Variants in NRXN3 observed in about 807,000 individuals in gnomAD.
The protein encoded by NRXN3 is neurexin III.
Under a neutral mutation model 137.6 loss-of-function variants are expected in NRXN3, and 32 were observed. The ratio of observed to expected loss-of-function variants is 0.23; its 90% CI spans 0.18 to 0.31. The LOEUF (loss-of-function observed/expected upper bound fraction) is 0.31. Among genes scored for constraint, NRXN3 ranks in the 10% least tolerant of loss-of-function variants. NRXN3 has a pLI of 1.00. For synonymous variants in NRXN3, 798 were observed against 784.5 expected, an observed-to-expected ratio of 1.02 and a Z score of -0.29; for missense variants, 1,574 against 2,062.5, an observed-to-expected ratio of 0.76 and a Z score of 4.59.
chr14:79,798,928 A>G (rs1161581538), intron 19 of NRXN3, among the ~76,000 whole-genome samples: 1 of 152,194 alleles, frequency 6.6e-6, no homozygotes, highest in African/African-American at 2.4e-5. Context: ...AGAAGCAATA[A>G]CTCACTGGAG....
chr14:78,780,840 T>C (rs1416745003), intron 8 of NRXN3, among the ~76,000 whole-genome samples: 1 of 152,220 alleles, frequency 6.6e-6, no homozygotes, highest in Non-Finnish European at 1.5e-5. Flanking sequence ...AGAGCTCTCA[T>C]ATCTTAAAGA....
At chr14:79,269,041 T>TATTTTA (rs764064595) in intron 15 of NRXN3, among the ~76,000 whole-genome samples, 1 of 112,820 alleles carries the variant, frequency 8.9e-6, no homozygotes, top group African/African-American at 3.2e-5. Context: ...ATTTTTATTT[T>TATTTTA]TCTTATTTTA....
At chr14:79,400,301 G>A (rs548696924) in intron 15 of NRXN3, among the ~76,000 whole-genome samples, 22 of 152,272 alleles carry the variant, frequency 1.4e-4, no homozygotes, top group East Asian at 3.9e-4. Flanking sequence ...GGAAGACTAC[G>A]TAGGCATAGG....
At chr14:78,565,197 A>G (rs559581980) in intron 4 of NRXN3, among the ~76,000 whole-genome samples, 1 of 152,344 alleles carries the variant, frequency 6.6e-6, no homozygotes, top group Non-Finnish European at 1.5e-5. Context: ...AAATGAAAGC[A>G]AGGATCCTAA....
chr14:79,270,151 T>G (rs1179947817), intron 15 of NRXN3, among the ~76,000 whole-genome samples: 1 of 152,202 alleles, frequency 6.6e-6, no homozygotes, highest in East Asian at 1.9e-4. Flanking sequence ...CTCCATCCTC[T>G]TGCTTCAGGG....
intron 15 of NRXN3, among the ~76,000 whole-genome samples, chr14:79,403,725 T>C (rs2095255971): frequency 6.6e-6 from 1 of 152,084 alleles, no homozygotes; most frequent in African/African-American, 2.4e-5. Context: ...GACCCTTGCA[T>C]GTGAGTGATG....
chr14:78,559,543 A>ATGCTTAATCACACCAAATAC (rs1216372695), intron 4 of NRXN3, among the ~76,000 whole-genome samples: 3 of 152,194 alleles, frequency 2.0e-5, no homozygotes, highest in Non-Finnish European at 4.4e-5. Context: ...AGGGCAAATA[A>ATGCTTAATCACACCAAATAC]TGCTTAATCA....
At chr14:78,548,895 T>C (rs991394956) in intron 4 of NRXN3, among the ~76,000 whole-genome samples, 2 of 152,206 alleles carry the variant, frequency 1.3e-5, no homozygotes, top group Non-Finnish European at 2.9e-5. Context: ...AACCTCCAGC[T>C]GTCACAGTCT....
intron 8 of NRXN3, among the ~76,000 whole-genome samples, chr14:78,778,627 C>T (rs1490857774): frequency 2.6e-5 from 4 of 151,880 alleles, no homozygotes; most frequent in Admixed American, 2.0e-4. Context: ...TGAAACTTTA[C>T]CATAAAAAAT....
intron 17 of NRXN3, among the ~76,000 whole-genome samples, chr14:79,676,521 T>C (rs2154006054): frequency 6.6e-6 from 1 of 151,936 alleles, no homozygotes. Flanking sequence ...AAGGACTATA[T>C]TTAATAATAT....
intron 4 of NRXN3, among the ~76,000 whole-genome samples, chr14:78,402,594 G>A (rs1384801114): frequency 2.0e-5 from 3 of 152,142 alleles, no homozygotes; most frequent in Non-Finnish European, 4.4e-5. Context: ...ATATGAAGAT[G>A]TAAACAGTTT....
intron 16 of NRXN3, among the ~76,000 whole-genome samples, chr14:79,504,088 C>A (rs1375055045): frequency 6.6e-6 from 1 of 152,138 alleles, no homozygotes; most frequent in African/African-American, 2.4e-5. Context: ...AATGTACACT[C>A]TTACCAGGTA....
intron 16 of NRXN3, among the ~76,000 whole-genome samples, chr14:79,606,425 T>C (rs1294164613): frequency 2.0e-5 from 3 of 152,208 alleles, no homozygotes; most frequent in Non-Finnish European, 4.4e-5. Flanking sequence ...ATGTTTCTGA[T>C]TATTTAAACA....
intron 4 of NRXN3, among the ~76,000 whole-genome samples, chr14:78,576,819 G>T (rs2096940870): frequency 6.6e-6 from 1 of 152,122 alleles, no homozygotes; most frequent in East Asian, 1.9e-4. Context: ...CCTATACTGG[G>T]TCAAAAGACA....
chr14:79,758,585 G>C (rs1192060518), intron 19 of NRXN3, among the ~76,000 whole-genome samples: 1 of 152,148 alleles, frequency 6.6e-6, no homozygotes, highest in Non-Finnish European at 1.5e-5. Context: ...TTTCAACATG[G>C]GATCTGGAGG....
intron 4 of NRXN3, among the ~76,000 whole-genome samples, chr14:78,462,442 C>T (rs753186524): frequency 9.9e-5 from 15 of 152,224 alleles, no homozygotes; most frequent in East Asian, 3.9e-4. Context: ...TCAAGTTCAA[C>T]GTATGAGACA....
intron 15 of NRXN3, among the ~76,000 whole-genome samples, chr14:79,289,389 G>A (rs2082787998): frequency 1.3e-5 from 2 of 152,146 alleles, no homozygotes; most frequent in African/African-American, 2.4e-5. Flanking sequence ...GGAGGCCAAG[G>A]TGGCTGGATC....
At chr14:79,258,352 G>T (rs779352189) in intron 15 of NRXN3, among the ~76,000 whole-genome samples, 38 of 151,856 alleles carry the variant, frequency 2.5e-4, no homozygotes, top group Admixed American at 2.5e-3. Context: ...TTACAGGTGC[G>T]CACCACCACA....
intron 16 of NRXN3, among the ~76,000 whole-genome samples, chr14:79,533,166 A>G (rs1010875424): frequency 2.0e-5 from 3 of 152,138 alleles, no homozygotes; most frequent in Non-Finnish European, 4.4e-5. Flanking sequence ...ATGAAATGAT[A>G]TTGTTTTTAT....
Sources: gnomAD v4.1 joint callset for allele counts (sites outside exome capture counted in the v4.1 genomes callset) on GRCh38, gnomAD v4.1.1 for gene constraint, MANE v1.5 for transcripts, NCBI Gene and HGNC (gene_info 2026-07-23, HGNC 2026-07-21) for gene names.